The following ANXA4 variants were observed in gnomAD, a reference collection of about 807,000 sequenced individuals.
The protein encoded by ANXA4 is 35-beta calcimedin.
In ANXA4, 39 loss-of-function variants were observed where a neutral mutation model predicts 49.8. The ratio of observed to expected loss-of-function variants is 0.78; its 90% CI spans 0.61 to 1.02. The LOEUF (loss-of-function observed/expected upper bound fraction) is 1.02, where lower values mean the gene tolerates loss of function less well. Among genes scored for constraint, ANXA4 ranks in the 50% least tolerant of loss-of-function variants. The pLI, the probability that ANXA4 is intolerant of heterozygous loss-of-function variation, is 0.00. For missense variants in ANXA4, 360 were observed against 410.1 expected, an observed-to-expected ratio of 0.88 and a Z score of 1.05; for synonymous variants, 134 against 152.5, an observed-to-expected ratio of 0.88 and a Z score of 0.89.
At chr2:69,824,990 C>T (rs550072916) in intron 12 of ANXA4, among the ~76,000 whole-genome samples, 1 of 149,508 alleles carries the variant, frequency 6.7e-6, no homozygotes, top group East Asian at 2.0e-4. Flanking sequence ...TGGCGTGAAC[C>T]CGGGAGGCAG....
intron 7 of ANXA4, among the ~76,000 whole-genome samples, chr2:69,812,288 A>C (rs543992580): frequency 5.9e-4 from 90 of 152,114 alleles, no homozygotes; most frequent in African/African-American, 2.0e-3. Flanking sequence ...CTTTTGGCAG[A>C]GGTTGATCAA....
At chr2:69,653,200 C>G (rs1170586853) in exon 2 of ANXA4, 1 of 152,224 alleles carries the variant, frequency 6.6e-6, no homozygotes, top group Non-Finnish European at 1.5e-5. Context: ...AAGTCTTATT[C>G]TGACTCCTAA....
chr2:69,648,883 CT>C (rs199698315), intron 1 of ANXA4, among the ~76,000 whole-genome samples: 39 of 105,774 alleles, frequency 3.7e-4, no homozygotes, highest in African/African-American at 1.4e-3. Context: ...TTCTTTCTTT[CT>C]TTTCTTTTTT....
At chr2:69,782,622 T>C (rs1250890060) in intron 2 of ANXA4, among the ~76,000 whole-genome samples, 1 of 152,216 alleles carries the variant, frequency 6.6e-6, no homozygotes, top group Non-Finnish European at 1.5e-5. Flanking sequence ...CCCAAAGTTC[T>C]GGGATTACAG....
upstream of ANXA4, among the ~76,000 whole-genome samples, chr2:69,737,281 G>C (rs1185957643): frequency 2.6e-5 from 4 of 152,132 alleles, no homozygotes; most frequent in Non-Finnish European, 5.9e-5. Context: ...TGTTGCCTTG[G>C]TGTGGTTCTG....
rs1673762413 is a variant in ANXA4, at chr2:69,812,723, C to T, written c.534+14C>T. ...CAGGATGCCCAGGTTGGTAGAACTG[C>T]AGCTTCTTTCTTCCAGCTTTCTTCT... On this transcript the variant is annotated intron_variant, in intron 8 of 12. Coordinates refer to ENST00000394295, the MANE Select transcript of ANXA4 (RefSeq NM_001153.5). 1 of 1,613,344 alleles carries T rather than the reference C, an allele frequency of 6.2e-7. No individual in the cohort carries two copies. Among genetic ancestry groups the T allele is most frequent in the Non-Finnish European group, 8.5e-7 (1 of 1,179,370 alleles).
intron 2 of ANXA4, among the ~76,000 whole-genome samples, chr2:69,679,970 A>G (rs561509952): frequency 8.5e-4 from 130 of 152,200 alleles, no homozygotes; most frequent in Middle Eastern, 3.4e-3. Context: ...TTTACTCAGG[A>G]TTGCTTTGGC....
In ANXA4 at chr2:69,806,475, C is replaced by T; in HGVS notation, c.283C>T (p.Gln95Ter). 1 of 1,614,034 alleles carries T rather than the reference C, an allele frequency of 6.2e-7. No homozygotes were observed. The highest frequency in any genetic ancestry group is 8.5e-7 in the Non-Finnish European group (1 of 1,179,944). Residue 95 changes from glutamine to a stop codon, truncating the protein, a stop_gained, in exon 5 of 13, where the codon CAA becomes TAA. Coordinates refer to ENST00000394295, the MANE Select transcript of ANXA4 (RefSeq NM_001153.5). LOFTEE classifies it high-confidence loss of function. ...MMTPTVLYDV[Q>*]ELRRAMKGAG... ...GACGCCCACGGTGCTGTATGACGTG[C>T]AAGAGCTGCGAAGGGCCATGAAGGT...
chr2:69,656,732 T>G (rs1000184951), intron 2 of ANXA4, among the ~76,000 whole-genome samples: 4 of 151,748 alleles, frequency 2.6e-5, no homozygotes, highest in African/African-American at 9.7e-5. Context: ...GTATTTTTAG[T>G]AGAGATGGGG....
chr2:69,684,075 G>T (rs1677698206), intron 2 of ANXA4, among the ~76,000 whole-genome samples: 1 of 152,106 alleles, frequency 6.6e-6, no homozygotes, highest in African/African-American at 2.4e-5. Flanking sequence ...TCATTTTTGT[G>T]GATCTCCTTG....
At chr2:69,771,402 A>G (rs1671711280) in intron 1 of ANXA4, among the ~76,000 whole-genome samples, 1 of 152,232 alleles carries the variant, frequency 6.6e-6, no homozygotes, top group African/African-American at 2.4e-5. Context: ...AGTTTTCCTT[A>G]AACATGCTAA....
At chr2:69,698,432 T>C (rs1678225831) in intron 2 of ANXA4, among the ~76,000 whole-genome samples, 1 of 152,212 alleles carries the variant, frequency 6.6e-6, no homozygotes, top group Non-Finnish European at 1.5e-5. Context: ...GGCTGGCCTC[T>C]TCCCCCGACA....
upstream of ANXA4, among the ~76,000 whole-genome samples, chr2:69,740,679 TC>T (rs1185750005): frequency 1.7e-5 from 2 of 119,406 alleles, no homozygotes; most frequent in Non-Finnish European, 3.3e-5. Context: ...TCTTTCTTCC[TC>T]TTTTTTTTTT....
At chr2:69,790,643 TC>T (rs772962370) in intron 3 of ANXA4, among the ~76,000 whole-genome samples, 3 of 152,088 alleles carry the variant, frequency 2.0e-5, no homozygotes, top group Non-Finnish European at 4.4e-5. Flanking sequence ...GGTCTTACTT[TC>T]CCAAAAAAGG....
At chr2:69,696,820 G>A (rs773076057) in intron 2 of ANXA4, among the ~76,000 whole-genome samples, 1 of 152,146 alleles carries the variant, frequency 6.6e-6, no homozygotes, top group Non-Finnish European at 1.5e-5. Context: ...TATTAAAAAG[G>A]AATCTTTTTT....
intron 3 of ANXA4, among the ~76,000 whole-genome samples, chr2:69,723,899 T>C (rs546590680): frequency 4.6e-5 from 7 of 151,596 alleles, no homozygotes; most frequent in Admixed American, 3.9e-4. Context: ...GCTCCTACCC[T>C]TTCTCCATTT....
At chr2:69,702,167 A>C (rs62133970) in intron 2 of ANXA4, among the ~76,000 whole-genome samples, 68,434 of 151,014 alleles carry the variant, frequency 0.45, 15,866 homozygotes, top group East Asian at 0.69. Flanking sequence ...GTGCGCCACC[A>C]CCCATGGCTC....
At chr2:69,673,006 C>T (rs1020896577) in intron 2 of ANXA4, among the ~76,000 whole-genome samples, 5 of 151,930 alleles carry the variant, frequency 3.3e-5, no homozygotes, top group Admixed American at 6.6e-5. Context: ...ATTAAAAAGT[C>T]GGGGAACAAC....
chr2:69,664,222 T>G (rs1410280043), intron 2 of ANXA4, among the ~76,000 whole-genome samples: 6 of 152,202 alleles, frequency 3.9e-5, no homozygotes, highest in African/African-American at 2.4e-5. Flanking sequence ...TGGGGGTAAA[T>G]GTATTTCAGA....
Sources: gnomAD v4.1 joint callset for allele counts (sites outside exome capture counted in the v4.1 genomes callset) on GRCh38, gnomAD v4.1.1 for gene constraint, MANE v1.5 for transcripts, NCBI Gene and HGNC (gene_info 2026-07-23, HGNC 2026-07-21) for gene names.